The following HDAC4 variants were observed in gnomAD, a reference collection of about 807,000 sequenced individuals.
The protein encoded by HDAC4 is histone deacetylase A.
Under a neutral mutation model 135.1 loss-of-function variants are expected in HDAC4, and 16 were observed. The ratio of observed to expected loss-of-function variants is 0.12; its 90% CI spans 0.08 to 0.18. The LOEUF (loss-of-function observed/expected upper bound fraction) is 0.18. Ranked by LOEUF, HDAC4 falls within the 10% of genes least tolerant of loss-of-function variation. The probability of loss-of-function intolerance (pLI) is 1.00; values close to 1 mark genes in which losing one functional copy is unlikely to be tolerated. For missense variants in HDAC4, 1,143 were observed against 1,511.8 expected, an observed-to-expected ratio of 0.76 and a Z score of 4.05; for synonymous variants, 685 against 653.4, an observed-to-expected ratio of 1.05 and a Z score of -0.74.
intron 2 of HDAC4, among the ~76,000 whole-genome samples, chr2:239,282,779 C>A (rs2050879445): frequency 6.8e-6 from 1 of 147,978 alleles, no homozygotes; most frequent in Non-Finnish European, 1.5e-5. Flanking sequence ...CTACAATGTA[C>A]ACACCCCTCT....
intron 8 of HDAC4, among the ~76,000 whole-genome samples, chr2:239,144,077 C>T (rs1042765946): frequency 1.3e-5 from 2 of 152,172 alleles, no homozygotes; most frequent in Non-Finnish European, 2.9e-5. Context: ...ATGGGGCCAA[C>T]CGTGACACGT....
intron 1 of HDAC4, among the ~76,000 whole-genome samples, chr2:239,388,721 C>A (rs575847326): frequency 0.01 from 1,562 of 152,348 alleles, 17 homozygotes; most frequent in South Asian, 0.022. Flanking sequence ...CACACAGGCT[C>A]CTCCCTTCCT....
chr2:239,263,164 G>GT (rs2049478836), intron 2 of HDAC4, among the ~76,000 whole-genome samples: 1 of 152,184 alleles, frequency 6.6e-6, no homozygotes, highest in African/African-American at 2.4e-5. Context: ...CATGTCTGCT[G>GT]TGTCGGTGCC....
intron 2 of HDAC4, among the ~76,000 whole-genome samples, chr2:239,324,483 C>T (rs2053411628): frequency 6.6e-6 from 1 of 152,216 alleles, no homozygotes; most frequent in South Asian, 2.1e-4. Context: ...GTTTGCTCTC[C>T]AGGGGCCAAG....
At chr2:239,310,303 G>A (rs923064737) in intron 2 of HDAC4, among the ~76,000 whole-genome samples, 8 of 152,220 alleles carry the variant, frequency 5.3e-5, no homozygotes, top group East Asian at 1.9e-4. Context: ...AACCCCAGGC[G>A]TCCCTCAAGC....
chr2:239,325,224 A>C (rs2053435128), intron 2 of HDAC4, among the ~76,000 whole-genome samples: 2 of 152,234 alleles, frequency 1.3e-5, no homozygotes, highest in Non-Finnish European at 2.9e-5. Flanking sequence ...AAGCAACAAA[A>C]AACAGATTAA....
chr2:239,137,175 G>A (rs2041022031), intron 9 of HDAC4, among the ~76,000 whole-genome samples: 1 of 152,208 alleles, frequency 6.6e-6, no homozygotes, highest in Admixed American at 6.5e-5. Flanking sequence ...GATGCCGACT[G>A]GTCCACCTGA....
chr2:239,100,245 C>G (rs2037490824), intron 16 of HDAC4, among the ~76,000 whole-genome samples: 1 of 152,252 alleles, frequency 6.6e-6, no homozygotes, highest in Admixed American at 6.5e-5. Flanking sequence ...TGTTTGGACC[C>G]TGCACACTGC....
At chr2:239,248,023 C>A (rs1287236201) in intron 2 of HDAC4, among the ~76,000 whole-genome samples, 2 of 152,158 alleles carry the variant, frequency 1.3e-5, no homozygotes, top group Non-Finnish European at 2.9e-5. Context: ...GAGGCTGGGG[C>A]TCCCCCAGCG....
intron 3 of HDAC4, among the ~76,000 whole-genome samples, chr2:239,230,641 G>A (rs899624911): frequency 6.6e-6 from 1 of 152,208 alleles, no homozygotes; most frequent in Admixed American, 6.5e-5. Context: ...AGATGGCCGT[G>A]GGTCCTTCAC....
rs1033081600 is a variant in HDAC4, at chr2:239,139,906, G to A, written c.866-110C>T. ...TCCACGGACCTGCTCGTTAGCTTGC[G>A]ACAGGCAGAAGTCCCAACAAAAAGA... is the stretch of plus-strand genomic sequence containing the variant. On this transcript the variant is annotated intron_variant, in intron 8 of 26. Coordinates refer to ENST00000543185, the MANE Select transcript of HDAC4 (RefSeq NM_001378414.1). The surrounding 1 kb of genome is among the most constrained non-coding windows in gnomAD (Gnocchi z 5.3). 4.8e-5 allele frequency: 38 copies of A among 784,542 alleles called. No individual in the cohort carries two copies. Among genetic ancestry groups the A allele is most frequent in the Admixed American group, 1.0e-4 (5 of 48,550 alleles). The allele number at this position is 784,542 out of a possible 1,614,324, so 48.6% of individuals were successfully genotyped here. A position where few individuals can be genotyped will look rare whatever the true frequency, so the allele number is the denominator to read the frequency against.
chr2:239,198,083 T>C (rs1425198713), intron 3 of HDAC4, among the ~76,000 whole-genome samples: 1 of 152,056 alleles, frequency 6.6e-6, no homozygotes, highest in Non-Finnish European at 1.5e-5. Context: ...TGACCTCAGG[T>C]GATCCTCTCG....
At chr2:239,098,844 G>A (rs933104174) in intron 16 of HDAC4, among the ~76,000 whole-genome samples, 2 of 152,160 alleles carry the variant, frequency 1.3e-5, no homozygotes, top group Admixed American at 6.5e-5. Flanking sequence ...GACAATTGTC[G>A]GAAATTCAAA....
intron 2 of HDAC4, among the ~76,000 whole-genome samples, chr2:239,277,665 C>A (rs1348515300): frequency 6.6e-6 from 1 of 152,208 alleles, no homozygotes; most frequent in Non-Finnish European, 1.5e-5. Context: ...GGCCACACAG[C>A]CGCCCAGCCT....
chr2:239,209,049 G>A (rs941884341), intron 3 of HDAC4, among the ~76,000 whole-genome samples: 6 of 152,174 alleles, frequency 3.9e-5, no homozygotes, highest in Non-Finnish European at 7.4e-5. Context: ...GCTAGTTTAC[G>A]TATTATTATT....
intron 1 of HDAC4, among the ~76,000 whole-genome samples, chr2:239,374,386 C>CT (rs755538495): frequency 0.017 from 948 of 56,692 alleles, 228 homozygotes; most frequent in Middle Eastern, 0.045. Flanking sequence ...GAAAACAAGG[C>CT]TTTTTTTTTT....
chr2:239,055,111 C>A, intron 24 of HDAC4: 1 of 393,102 alleles, frequency 2.5e-6, no homozygotes, highest in South Asian at 2.2e-5. Flanking sequence ...CTGGCACCTG[C>A]ACGTGAACTT....
At chr2:239,251,955 T>C (rs1223475918) in intron 2 of HDAC4, among the ~76,000 whole-genome samples, 1 of 152,220 alleles carries the variant, frequency 6.6e-6, no homozygotes. Flanking sequence ...CACTATTCCT[T>C]TTTATACAAC....
chr2:239,184,498 AT>A (rs1441262309), intron 4 of HDAC4, among the ~76,000 whole-genome samples: 8 of 101,554 alleles, frequency 7.9e-5, no homozygotes, highest in African/African-American at 2.9e-4. Context: ...GCTGTGCCCT[AT>A]GGGGGGGGGT....
Sources: gnomAD v4.1 joint callset for allele counts (sites outside exome capture counted in the v4.1 genomes callset) on GRCh38, gnomAD v4.1.1 for gene constraint, Gnocchi (gnomAD v3.1) non-coding constraint, MANE v1.5 for transcripts, NCBI Gene and HGNC (gene_info 2026-07-23, HGNC 2026-07-21) for gene names.